PPFIA2: variants seen among roughly 807,000 people sequenced by gnomAD.
PPFIA2 encodes the protein liprin-alpha-2.
PPFIA2 carries 46 observed loss-of-function variants against 175.5 expected under a neutral mutation model. That is an observed-to-expected ratio of 0.26 (90% CI 0.21 to 0.34). The LOEUF (loss-of-function observed/expected upper bound fraction) is 0.34, where lower values mean the gene tolerates loss of function less well. PPFIA2 is among the 10% of genes least tolerant of loss of function. The probability of loss-of-function intolerance (pLI) is 1.00; values close to 1 mark genes in which losing one functional copy is unlikely to be tolerated. For synonymous variants in PPFIA2, 568 were observed against 511.4 expected, an observed-to-expected ratio of 1.11 and a Z score of -1.49; for missense variants, 1,179 against 1,506.1, an observed-to-expected ratio of 0.78 and a Z score of 3.60.
intron 4 of PPFIA2, among the ~76,000 whole-genome samples, chr12:81,515,814 C>A (rs1197049405): frequency 6.6e-6 from 1 of 152,000 alleles, no homozygotes; most frequent in East Asian, 1.9e-4. Context: ...CAGTATATCA[C>A]CAAAGCCTAA....
intron 21 of PPFIA2, among the ~76,000 whole-genome samples, chr12:81,333,444 A>G (rs556808836): frequency 6.6e-6 from 1 of 152,118 alleles, no homozygotes; most frequent in South Asian, 2.1e-4. Flanking sequence ...TTCTCCTCCA[A>G]CCTTCCTCCA....
intron 21 of PPFIA2, among the ~76,000 whole-genome samples, chr12:81,338,430 T>C (rs1343687488): frequency 6.6e-6 from 1 of 152,120 alleles, no homozygotes; most frequent in African/African-American, 2.4e-5. Context: ...TGCTTATTTC[T>C]AAATACATAT....
chr12:81,653,177 A>C (rs1289961216), intron 4 of PPFIA2, among the ~76,000 whole-genome samples: 1 of 152,126 alleles, frequency 6.6e-6, no homozygotes, highest in East Asian at 1.9e-4. Context: ...TAATATTTTT[A>C]AAACATAAAT....
At chr12:81,599,940 G>A (rs1197395184) in intron 4 of PPFIA2, among the ~76,000 whole-genome samples, 1 of 151,910 alleles carries the variant, frequency 6.6e-6, no homozygotes, top group Non-Finnish European at 1.5e-5. Context: ...AAGGTGAAGT[G>A]TCCTCAATCA....
intron 4 of PPFIA2, among the ~76,000 whole-genome samples, chr12:81,609,517 T>C (rs1224561014): frequency 2.0e-5 from 3 of 152,154 alleles, no homozygotes; most frequent in South Asian, 4.1e-4. Flanking sequence ...TACTCATTAA[T>C]ATTATGCAAT....
Position 81,374,602 on chromosome 12 carries a change from A to G in PPFIA2, c.1266+32T>C, listed in dbSNP as rs374109966. The G allele has an allele frequency of 3.4e-5, 54 of 1,572,610 alleles. No homozygotes were observed. In the East Asian group the frequency reaches 5.9e-4, roughly 17 times the overall value. On this transcript the variant is annotated intron_variant, in intron 11 of 32. Coordinates refer to ENST00000549396, the MANE Select transcript of PPFIA2 (RefSeq NM_003625.5). The stretch of plus-strand genomic sequence containing the variant: ...GATTACAAGTCCTTTCTACAAATAT[A>G]TCTAGGTTGACCAGTTGTTCTAGTG...
At chr12:81,319,219 T>G (rs1164929828) in intron 22 of PPFIA2, among the ~76,000 whole-genome samples, 1 of 151,786 alleles carries the variant, frequency 6.6e-6, no homozygotes, top group Non-Finnish European at 1.5e-5. Context: ...TTTGTGCTGT[T>G]TTCCTTCCTC....
intron 3 of PPFIA2, among the ~76,000 whole-genome samples, chr12:81,704,120 C>G (rs531900656): frequency 6.6e-6 from 1 of 152,214 alleles, no homozygotes; most frequent in East Asian, 1.9e-4. Flanking sequence ...ATTTCCTGGA[C>G]TTTGCAGCAC....
At chr12:81,464,549 C>T (rs947036510) in intron 4 of PPFIA2, among the ~76,000 whole-genome samples, 1 of 151,990 alleles carries the variant, frequency 6.6e-6, no homozygotes, top group Non-Finnish European at 1.5e-5. Context: ...AATGACAGGC[C>T]TTAGGTCAAT....
At chr12:81,534,010 T>C (rs2065025309) in intron 4 of PPFIA2, among the ~76,000 whole-genome samples, 1 of 151,616 alleles carries the variant, frequency 6.6e-6, no homozygotes, top group African/African-American at 2.4e-5. Context: ...ATCCTGTCAT[T>C]TACAGCAACA....
chr12:81,438,571 C>A (rs1047463168), intron 7 of PPFIA2, among the ~76,000 whole-genome samples: 1 of 152,154 alleles, frequency 6.6e-6, no homozygotes, highest in South Asian at 2.1e-4. Flanking sequence ...TGTCTGTATG[C>A]ATAATGTATA....
intron 5 of PPFIA2, 92 bp from the exon 6 acceptor site, chr12:81,445,812 A>G: frequency 8.1e-7 from 1 of 1,233,596 alleles, no homozygotes; most frequent in East Asian, 2.6e-5. Context: ...GCAGGCTTAC[A>G]TAGTATCTAA....
intron 7 of PPFIA2, among the ~76,000 whole-genome samples, chr12:81,420,232 C>A (rs2046005298): frequency 6.6e-6 from 1 of 152,060 alleles, no homozygotes; most frequent in African/African-American, 2.4e-5. Flanking sequence ...GGTGACAACT[C>A]CTTCAAATGT....
chr12:81,262,276 G>A lies in PPFIA2; in HGVS notation c.3716-236C>T, dbSNP rs117454231. Among the ~76,000 whole-genome samples the A allele has an allele frequency of 5.7e-4, 87 of 152,106 alleles. 1 individual carries two copies. In the East Asian group the frequency reaches 0.014, roughly 24 times the overall value. On this transcript the variant is annotated intron_variant, in intron 31 of 32. Coordinates refer to ENST00000549396, the MANE Select transcript of PPFIA2 (RefSeq NM_003625.5). ...TATGTATTCTTCCTTAGATAAAATC[G>A]GTAACAAGAGCAGCTCCCGAGGGTG...
chr12:81,632,101 A>C (rs1206174159), intron 4 of PPFIA2, among the ~76,000 whole-genome samples: 1 of 152,234 alleles, frequency 6.6e-6, no homozygotes, highest in Non-Finnish European at 1.5e-5. Flanking sequence ...TCAAAATACA[A>C]CTTTAGAAAA....
chr12:81,367,082 GC>G, intron 14 of PPFIA2, 25 bp downstream of exon 14: 3 of 1,452,790 alleles, frequency 2.1e-6, no homozygotes, highest in Non-Finnish European at 2.7e-6. Flanking sequence ...TAGAAAATGG[GC>G]CCAAAACATA....
chr12:81,383,133 C>T (rs985106394), intron 9 of PPFIA2, among the ~76,000 whole-genome samples: 2 of 151,784 alleles, frequency 1.3e-5, no homozygotes, highest in African/African-American at 2.4e-5. Flanking sequence ...GTGGAACAGT[C>T]AGGGAAAAAG....
chr12:81,718,283 A>G (rs1372038751), intron 3 of PPFIA2, among the ~76,000 whole-genome samples: 1 of 151,674 alleles, frequency 6.6e-6, no homozygotes, highest in African/African-American at 2.4e-5. Flanking sequence ...GTGAAATTTC[A>G]GAAGAGAACT....
At chr12:81,416,498 C>A (rs1391343871) in intron 7 of PPFIA2, among the ~76,000 whole-genome samples, 1 of 151,610 alleles carries the variant, frequency 6.6e-6, no homozygotes, top group Non-Finnish European at 1.5e-5. Context: ...ATCTCCATCA[C>A]CAAGGAAGAT....
Sources: allele counts gnomAD v4.1 joint callset (sites outside exome capture counted in the v4.1 genomes callset), GRCh38; gene constraint gnomAD v4.1.1; transcripts MANE v1.5; gene names NCBI Gene and HGNC (gene_info 2026-07-23, HGNC 2026-07-21).